Variants in TLE3 observed in about 807,000 individuals in gnomAD.
TLE3 encodes TLE family member 3, transcriptional corepressor, also known as transducin-like enhancer protein 3.
Under a neutral mutation model 93.0 loss-of-function variants are expected in TLE3, and 14 were observed. The observed-to-expected ratio is 0.15, with a 90% CI of 0.10 to 0.24. The LOEUF (loss-of-function observed/expected upper bound fraction) is 0.24, where lower values mean the gene tolerates loss of function less well. Ranked by LOEUF, TLE3 falls within the 10% of genes least tolerant of loss-of-function variation. The pLI is 1.00. For synonymous variants in TLE3, 451 were observed against 425.0 expected, an observed-to-expected ratio of 1.06 and a Z score of -0.75; for missense variants, 693 against 1,046.6, an observed-to-expected ratio of 0.66 and a Z score of 4.66.
intron 1 of TLE3, 200 bp downstream of exon 1, chr15:70,096,575 A>G (rs2058573443): frequency 2.7e-6 from 4 of 1,508,330 alleles, no homozygotes; most frequent in Non-Finnish European, 3.6e-6. Flanking sequence ...CTGGAACACA[A>G]GCAGCCCCCC....
intron 6 of TLE3, among the ~76,000 whole-genome samples, chr15:70,069,338 G>C (rs2057002909): frequency 6.6e-6 from 1 of 152,190 alleles, no homozygotes; most frequent in South Asian, 2.1e-4. Context: ...ATGGGGTCAT[G>C]AGGTGTCCTG....
intron 4 of TLE3, among the ~76,000 whole-genome samples, chr15:70,093,610 C>T (rs1277841928): frequency 6.6e-6 from 1 of 152,226 alleles, no homozygotes; most frequent in Non-Finnish European, 1.5e-5. Flanking sequence ...AAACGTTGGC[C>T]AAGCCAAATT....
intron 17 of TLE3, 169 bp downstream of exon 17, chr15:70,053,058 T>C (rs2055690819): frequency 4.9e-6 from 4 of 809,068 alleles, no homozygotes; most frequent in Non-Finnish European, 7.5e-6. Flanking sequence ...TCTCCATCTG[T>C]TTCACTGCTG....
intron 4 of TLE3, among the ~76,000 whole-genome samples, chr15:70,087,352 G>A (rs1245576510): frequency 6.6e-6 from 1 of 152,204 alleles, no homozygotes; most frequent in Non-Finnish European, 1.5e-5. Flanking sequence ...CCTGGTGTCT[G>A]TCTGTCCTGG....
At chr15:70,077,468 C>T (rs747944507) in intron 4 of TLE3, among the ~76,000 whole-genome samples, 8 of 152,180 alleles carry the variant, frequency 5.3e-5, no homozygotes, top group Non-Finnish European at 1.2e-4. Context: ...AATCCTTGTG[C>T]ACTTAAAATA....
intron 9 of TLE3, 25 bp from the exon 10 acceptor site, chr15:70,059,485 G>T: frequency 1.3e-6 from 2 of 1,598,208 alleles, no homozygotes; most frequent in Non-Finnish European, 1.7e-6. Flanking sequence ...GAAGCCAACT[G>T]GTCAGTAAGA....
intron 6 of TLE3, among the ~76,000 whole-genome samples, chr15:70,068,185 A>T (rs1434407120): frequency 3.9e-5 from 6 of 152,344 alleles, no homozygotes; most frequent in Admixed American, 1.3e-4. Flanking sequence ...AAAAGTTTTT[A>T]AAATTACCCT....
At chr15:70,055,581 T>C (rs10083579) in intron 14 of TLE3, 218,574 of 341,268 alleles carry the variant, frequency 0.64, 71,464 homozygotes, top group South Asian at 0.77. Context: ...CCACGATCCA[T>C]ACATTCCCCC....
At chr15:70,064,785 T>C (rs1022782607) in intron 7 of TLE3, among the ~76,000 whole-genome samples, 1 of 151,954 alleles carries the variant, frequency 6.6e-6, no homozygotes, top group Admixed American at 6.5e-5. Flanking sequence ...GTTCTCCCTG[T>C]CATGCCAGAG....
intron 4 of TLE3, among the ~76,000 whole-genome samples, chr15:70,085,173 T>A (rs2057986071): frequency 1.3e-5 from 2 of 152,228 alleles, no homozygotes; most frequent in Admixed American, 1.3e-4. Flanking sequence ...GTGTTATTAT[T>A]ATCTCCACTG....
At chr15:70,065,983 C>CCCCCCCCCCAAA in intron 7 of TLE3, 31 bp downstream of exon 7, 1 of 1,466,186 alleles carries the variant, frequency 6.8e-7, no homozygotes, top group Non-Finnish European at 9.5e-7. Flanking sequence ...ACCCCTGCCC[C>CCCCCCCCCCAAA]GCCCCACCCT....
intron 2 of TLE3, 134 bp from the exon 3 acceptor site, chr15:70,095,775 C>G: frequency 9.2e-7 from 1 of 1,092,642 alleles, no homozygotes; most frequent in South Asian, 1.6e-5. Context: ...ATCCCACAGC[C>G]TGGGGACGCG....
rs752438738 is a variant in TLE3, at chr15:70,058,321, G to A, written c.919-30C>T. 1.3e-6 allele frequency: 2 copies of A among 1,565,822 alleles called. No homozygotes were observed. Among genetic ancestry groups the A allele is most frequent in the Non-Finnish European group, 1.7e-6 (2 of 1,154,286 alleles). ...AGAGGGGAGATGCAGAACAAGGGAG[G>A]CCATGAGGCTTCCATTCTCCTAGGA... On this transcript the variant is annotated intron_variant, in intron 11 of 19. Transcript: ENST00000451782. This position sits in a 1 kb window ranked among gnomAD's most constrained non-coding sequence, Gnocchi z 4.1.
rs1423002556 is a variant in TLE3, at chr15:70,074,655, A to T, written c.298-48T>A. On this transcript the variant is annotated intron_variant, in intron 5 of 19. Transcript: ENST00000451782. ...TAGATGCAGCCACTTTCCTGGACAG[A>T]GGAGGTCACAGGCTGTGCAGCACTG... The T allele has an allele frequency of 4.6e-6, 7 of 1,520,386 alleles. No individual in the cohort carries two copies. In the South Asian group the frequency reaches 8.4e-5, roughly 18 times the overall value. 94.2% of individuals were successfully genotyped at this position (1,520,386 alleles called of 1,614,324 possible). A position where few individuals can be genotyped will look rare whatever the true frequency, so the allele number is the denominator to read the frequency against.
chr15:70,066,891 G>A (rs998393732), intron 6 of TLE3: 1 of 378,298 alleles, frequency 2.6e-6, no homozygotes, highest in Non-Finnish European at 5.4e-6. Flanking sequence ...TCCTAGCTGT[G>A]TGGCCTGGGG....
At chr15:70,050,386 T>TTAA (rs2055411887) in intron 19 of TLE3, 182 bp from the exon 20 acceptor site, 2 of 540,052 alleles carry the variant, frequency 3.7e-6, no homozygotes, top group Non-Finnish European at 3.4e-6. Context: ...GGGGGAGGCT[T>TTAA]TAAAGCACCC....
In TLE3 at chr15:70,096,974, G is replaced by T; in HGVS notation, c.-176C>A. 1.7e-6 allele frequency: 1 copy of T among 588,106 alleles called. No homozygotes were observed. The highest frequency in any genetic ancestry group is 1.6e-5 in the South Asian group (1 of 63,074). 36.4% of individuals were successfully genotyped at this position (588,106 alleles called of 1,614,324 possible). A position where few individuals can be genotyped will look rare whatever the true frequency, so the allele number is the denominator to read the frequency against. ...TCCCAGAGTCGGGCGCCCGCCCCAA[G>T]TGGAGACAAAGAGCCGCGGAGCAGG... is the stretch of plus-strand genomic sequence containing the variant. On this transcript the variant is annotated 5_prime_UTR_variant, in exon 1 of 20. Coordinates refer to ENST00000451782, the MANE Select transcript of TLE3 (RefSeq NM_001105192.3).
In TLE3 at chr15:70,097,572, A is replaced by C. The variant is rs1567070550; in HGVS notation, c.-774T>G. The C allele has an allele frequency of 2.5e-6, 1 of 399,088 alleles. No homozygotes were observed. The highest frequency in any genetic ancestry group is 4.4e-6 in the Non-Finnish European group (1 of 226,248). The allele number at this position is 399,088 out of a possible 1,614,324, so 24.7% of individuals were successfully genotyped here. On this transcript the variant is annotated 5_prime_UTR_variant, in exon 1 of 20. Coordinates refer to ENST00000451782, the MANE Select transcript of TLE3 (RefSeq NM_001105192.3). Reference sequence around the variant, plus strand: ...TCCAGCGGGCACGGGAAGCCTCCGCAAAGGGTTCTCGCTGCTCCCAGCTTG... The same window carrying C: ...TCCAGCGGGCACGGGAAGCCTCCGCCAAGGGTTCTCGCTGCTCCCAGCTTG...
chr15:70,081,244 T>C (rs562661035), intron 4 of TLE3, among the ~76,000 whole-genome samples: 35 of 152,368 alleles, frequency 2.3e-4, no homozygotes, highest in African/African-American at 7.7e-4. Flanking sequence ...GGAGCCCTAA[T>C]TTAGAGTTTT....
Sources: allele counts gnomAD v4.1 joint callset (sites outside exome capture counted in the v4.1 genomes callset), GRCh38; gene constraint gnomAD v4.1.1; non-coding constraint Gnocchi (gnomAD v3.1); transcripts MANE v1.5; gene names NCBI Gene and HGNC (gene_info 2026-07-23, HGNC 2026-07-21).